Variants in ANKAR observed in about 807,000 individuals in gnomAD.
ANKAR encodes the protein ankyrin and armadillo repeat containing.
Under a neutral mutation model 146.2 loss-of-function variants are expected in ANKAR, and 136 were observed. The ratio of observed to expected loss-of-function variants is 0.93; its 90% confidence interval spans 0.81 to 1.07. ANKAR has a LOEUF of 1.07. Among genes scored for constraint, ANKAR ranks in the 50% least tolerant of loss-of-function variants. ANKAR has a pLI of 0.00. For missense variants in ANKAR, 1,567 were observed against 1,679.9 expected, an observed-to-expected ratio of 0.93 and a Z score of 1.18; for synonymous variants, 500 against 575.8, an observed-to-expected ratio of 0.87 and a Z score of 1.88.
Position 189,754,606 on chromosome 2 carries a change from T to A in ANKAR, c.*585-6492T>A, listed in dbSNP as rs1318310348. 3 of 431,400 alleles carry A rather than the reference T, an allele frequency of 7.0e-6. No individual in the cohort carries two copies. In the East Asian group the frequency reaches 1.2e-4, roughly 17 times the overall value. 26.7% of individuals were successfully genotyped at this position (431,400 alleles called of 1,614,324 possible). On this transcript the variant is annotated intron_variant and NMD_transcript_variant, in intron 18 of 18. Transcript: ENST00000441800. Reference sequence around the variant, plus strand: ...TATTGGTTGGAAAATGGGCTTGAAGTTGACAATAACTGCTTAATGATGAAC... The same window carrying A: ...TATTGGTTGGAAAATGGGCTTGAAGATGACAATAACTGCTTAATGATGAAC...
At chr2:189,762,890 A>C, downstream of ANKAR, 1 of 985,456 alleles carries the variant, frequency 1.0e-6, no homozygotes, top group Non-Finnish European at 1.2e-6. Flanking sequence ...GTCTTTGCCC[A>C]AAACGCTCTC....
intron 16 of ANKAR, among the ~76,000 whole-genome samples, chr2:189,731,922 G>A (rs1052014413): frequency 1.3e-5 from 2 of 151,984 alleles, no homozygotes; most frequent in African/African-American, 2.4e-5. Context: ...GGCTGTTCTC[G>A]AATGCCTGGG....
At chr2:189,758,746 C>T (rs902783572) in intron 18 of ANKAR, among the ~76,000 whole-genome samples, 1 of 152,160 alleles carries the variant, frequency 6.6e-6, no homozygotes, top group Admixed American at 6.5e-5. Context: ...ATAGACATGG[C>T]CCCTGTCACC....
At chr2:189,735,238 T>C (rs1001906317) in intron 17 of ANKAR, among the ~76,000 whole-genome samples, 3 of 152,174 alleles carry the variant, frequency 2.0e-5, no homozygotes, top group African/African-American at 7.2e-5. Context: ...CTTCACTCTC[T>C]GGACCCTGCA....
intron 7 of ANKAR, among the ~76,000 whole-genome samples, chr2:189,704,592 T>G (rs2038640406): frequency 1.8e-5 from 2 of 111,370 alleles, no homozygotes; most frequent in Non-Finnish European, 3.7e-5. Flanking sequence ...TATATATATA[T>G]ATATAATTTT....
intron 22 of ANKAR, among the ~76,000 whole-genome samples, chr2:189,745,021 C>CTAATAATAATAATAATAATAA (rs1249558167): frequency 1.1e-3 from 47 of 41,140 alleles, no homozygotes; most frequent in East Asian, 3.2e-3. Flanking sequence ...ACTACTACTA[C>CTAATAATAATAATAATAATAA]TACTACTAAT....
At chr2:189,746,307 T>C in intron 22 of ANKAR, 73 bp from the exon 23 acceptor site, 1 of 1,438,280 alleles carries the variant, frequency 7.0e-7, no homozygotes. Flanking sequence ...AAAATAGAAC[T>C]ACATAGAAGT....
At chr2:189,677,731 G>A (rs2033965230) in intron 2 of ANKAR, among the ~76,000 whole-genome samples, 3 of 147,906 alleles carry the variant, frequency 2.0e-5, no homozygotes, top group Non-Finnish European at 4.5e-5. Context: ...GGCTGGCCTC[G>A]AACCCCTGGC....
At chr2:189,739,460 A>G (rs2043134271) in intron 19 of ANKAR, among the ~76,000 whole-genome samples, 1 of 152,212 alleles carries the variant, frequency 6.6e-6, no homozygotes, top group Non-Finnish European at 1.5e-5. Flanking sequence ...CTAGAAAAAA[A>G]GTTTAAAGAA....
chr2:189,718,434 AC>A (rs1161273545), intron 10 of ANKAR, among the ~76,000 whole-genome samples: 1 of 152,180 alleles, frequency 6.6e-6, no homozygotes, highest in Non-Finnish European at 1.5e-5. Context: ...TATGGTAGCC[AC>A]TACCCTAATG....
At chr2:189,695,196 A>T in intron 6 of ANKAR, 35 bp downstream of exon 6, 1 of 1,503,580 alleles carries the variant, frequency 6.7e-7, no homozygotes. Context: ...TTAGTATATG[A>T]AGTTATGTAT....
At position 189,743,316 on chromosome 2, in the gene ANKAR, C is replaced by T; in HGVS notation, c.3852C>T (p.Tyr1284=). ...ACSSALGYLT[Y]NANAFRILLK... ...CCTCTGCTCTTGGCTACTTAACATA[C>T]AATGCAAATGCTTTCCGCATCCTAT... Residue 1284 remains tyrosine (Y), a synonymous_variant, in exon 21 of 23, where the codon TAC becomes TAT. Coordinates refer to ENST00000684021, the MANE Select transcript of ANKAR (RefSeq NM_001378068.1). 1.2e-6 allele frequency: 2 copies of T among 1,614,032 alleles called. No homozygotes were observed. Among genetic ancestry groups the T allele is most frequent in the South Asian group, 1.1e-5 (1 of 91,068 alleles).
At chr2:189,726,796 C>T (rs2041924970) in intron 12 of ANKAR, among the ~76,000 whole-genome samples, 1 of 152,052 alleles carries the variant, frequency 6.6e-6, no homozygotes, top group African/African-American at 2.4e-5. Context: ...AGTAAATACA[C>T]ACTAGACTAT....
At chr2:189,702,997 T>C (rs1362947078) in intron 7 of ANKAR, among the ~76,000 whole-genome samples, 1 of 152,190 alleles carries the variant, frequency 6.6e-6, no homozygotes, top group Admixed American at 6.5e-5. Context: ...ATTATGCTAG[T>C]GCAACAGACA....
chr2:189,738,068 A>G (rs2043008625), intron 18 of ANKAR, among the ~76,000 whole-genome samples: 1 of 152,188 alleles, frequency 6.6e-6, no homozygotes, highest in Non-Finnish European at 1.5e-5. Flanking sequence ...TTTATACCTC[A>G]TCTGATGTTT....
intron 2 of ANKAR, among the ~76,000 whole-genome samples, chr2:189,679,988 C>T (rs541206410): frequency 2.0e-5 from 3 of 152,180 alleles, no homozygotes; most frequent in Non-Finnish European, 2.9e-5. Flanking sequence ...GGAGAATTCC[C>T]TCTTTATCTT....
intron 7 of ANKAR, among the ~76,000 whole-genome samples, chr2:189,697,611 TAA>T (rs2037410550): frequency 6.6e-6 from 1 of 152,128 alleles, no homozygotes; most frequent in South Asian, 2.1e-4. Flanking sequence ...CTAATTAAAA[TAA>T]GACACAATTC....
chr2:189,690,065 A>G (rs2036161677), intron 3 of ANKAR, 101 bp downstream of exon 3: 1 of 742,236 alleles, frequency 1.3e-6, no homozygotes, highest in Non-Finnish European at 1.9e-6. Flanking sequence ...GCAGTAACCT[A>G]GCTATAACCT....
chr2:189,722,245 A>G (rs1351503235), intron 12 of ANKAR, among the ~76,000 whole-genome samples: 1 of 150,918 alleles, frequency 6.6e-6, no homozygotes, highest in Non-Finnish European at 1.5e-5. Flanking sequence ...AGGCTGAGGC[A>G]GGAGAATTGC....
Sources: gnomAD v4.1 joint callset for allele counts (sites outside exome capture counted in the v4.1 genomes callset) on GRCh38, gnomAD v4.1.1 for gene constraint, MANE v1.5 for transcripts, NCBI Gene and HGNC (gene_info 2026-07-23, HGNC 2026-07-21) for gene names.